SGCD: variants seen among roughly 807,000 people sequenced by gnomAD.
SGCD encodes the protein delta-sarcoglycan.
Under a neutral mutation model 36.6 loss-of-function variants are expected in SGCD, and 18 were observed. That is an observed-to-expected ratio of 0.49 (90% CI 0.34 to 0.73). The LOEUF (loss-of-function observed/expected upper bound fraction) is 0.73. SGCD is among the 30% of genes least tolerant of loss of function. The probability of loss-of-function intolerance (pLI) is 0.01; values close to 1 mark genes in which losing one functional copy is unlikely to be tolerated. For synonymous variants in SGCD, 133 were observed against 130.6 expected, an observed-to-expected ratio of 1.02 and a Z score of -0.12; for missense variants, 387 against 346.7, an observed-to-expected ratio of 1.12 and a Z score of -0.92.
chr5:156,512,816 A>G (rs910708333), intron 4 of SGCD, among the ~76,000 whole-genome samples: 10 of 152,200 alleles, frequency 6.6e-5, no homozygotes, highest in African/African-American at 2.2e-4. Flanking sequence ...CTAGAACTTT[A>G]TATAAATGGA....
intron 3 of SGCD, among the ~76,000 whole-genome samples, chr5:156,160,893 T>C (rs1763072257): frequency 6.6e-6 from 1 of 151,740 alleles, no homozygotes; most frequent in African/African-American, 2.4e-5. Context: ...AAGAGCTAGA[T>C]AGTAAATATT....
chr5:155,891,903 C>T (rs1035915756), intron 1 of SGCD, among the ~76,000 whole-genome samples: 8 of 152,016 alleles, frequency 5.3e-5, no homozygotes, highest in South Asian at 2.1e-4. Flanking sequence ...ATCTTCTTCT[C>T]GAATTTCTCT....
At position 155,901,260 on chromosome 5, in the gene SGCD, C is replaced by T. The variant is rs140095557; in HGVS notation, c.-282+30836C>T. Among the ~76,000 whole-genome samples the T allele has an allele frequency of 1.4e-3, 215 of 150,388 alleles. 1 individual carries two copies. Among genetic ancestry groups the T allele is most frequent in the African/African-American group, 5.1e-3 (210 of 40,778 alleles). ...CCGGGAGGCGGAGGTTGCAGTGAGC[C>T]GAGATAGTACCACTGCACTCCAGCC... On this transcript the variant is annotated intron_variant, in intron 1 of 9. Transcript: ENST00000517913.
intron 1 of SGCD, among the ~76,000 whole-genome samples, chr5:155,988,813 C>A (rs1187377638): frequency 6.6e-6 from 1 of 152,086 alleles, no homozygotes; most frequent in Non-Finnish European, 1.5e-5. Flanking sequence ...AAATGTGAGA[C>A]TTAAGTGAAA....
At chr5:156,451,293 T>C (rs1323098347) in intron 3 of SGCD, among the ~76,000 whole-genome samples, 1 of 152,154 alleles carries the variant, frequency 6.6e-6, no homozygotes, top group African/African-American at 2.4e-5. Context: ...GGTGAGTTCA[T>C]GGCTGGCTGA....
At chr5:155,785,912 C>T in the SGCD span, among the ~76,000 whole-genome samples, 8 of 152,170 alleles carry the variant, frequency 5.3e-5, no homozygotes, top group South Asian at 1.7e-3. Flanking sequence ...AGCTAGTTTC[C>T]AGTTATTTAC....
At chr5:156,084,122 G>A (rs1027213977) in intron 1 of SGCD, among the ~76,000 whole-genome samples, 1 of 152,110 alleles carries the variant, frequency 6.6e-6, no homozygotes, top group African/African-American at 2.4e-5. Context: ...GCTTGTCTGT[G>A]TCTACAAAAA....
chr5:156,308,417 G>A (rs551690296), intron 3 of SGCD, among the ~76,000 whole-genome samples: 373 of 151,950 alleles, frequency 2.5e-3, no homozygotes, highest in African/African-American at 8.3e-3. Context: ...TGCTGCCTCA[G>A]CCTCCCGAGT....
intron 1 of SGCD, among the ~76,000 whole-genome samples, chr5:156,055,030 A>G (rs1051375316): frequency 1.4e-5 from 2 of 146,284 alleles, no homozygotes; most frequent in African/African-American, 2.5e-5. Flanking sequence ...TGTGTGTGAC[A>G]GGGAGCCAAA....
At chr5:155,736,885 T>G in the SGCD span, among the ~76,000 whole-genome samples, 1 of 152,186 alleles carries the variant, frequency 6.6e-6, no homozygotes, top group Non-Finnish European at 1.5e-5. Context: ...ACGACGGGAT[T>G]AACCAGAATA....
At chr5:156,161,806 G>A (rs191183361) in intron 3 of SGCD, among the ~76,000 whole-genome samples, 3 of 151,746 alleles carry the variant, frequency 2.0e-5, no homozygotes, top group East Asian at 1.9e-4. Flanking sequence ...ATTAAGAAGC[G>A]TGAACTTCTT....
At chr5:156,557,982 CT>C (rs1294438824) in intron 4 of SGCD, among the ~76,000 whole-genome samples, 3 of 150,788 alleles carry the variant, frequency 2.0e-5, no homozygotes, top group Non-Finnish European at 4.4e-5. Flanking sequence ...AGGACTATGT[CT>C]TTTTTGTATT....
intron 3 of SGCD, among the ~76,000 whole-genome samples, chr5:156,295,340 T>A (rs900285835): frequency 6.6e-6 from 1 of 152,166 alleles, no homozygotes; most frequent in Non-Finnish European, 1.5e-5. Context: ...GAAATTTGAG[T>A]CCTTTTTTGC....
intron 3 of SGCD, among the ~76,000 whole-genome samples, chr5:156,450,688 A>T (rs1753969278): frequency 6.6e-6 from 1 of 152,130 alleles, no homozygotes; most frequent in South Asian, 2.1e-4. Context: ...TTGCCAACAA[A>T]ACACTGGCAT....
intron 2 of SGCD, among the ~76,000 whole-genome samples, chr5:156,332,047 T>A (rs1276288266): frequency 6.6e-6 from 1 of 152,226 alleles, no homozygotes; most frequent in Non-Finnish European, 1.5e-5. Context: ...AGTCCTTATC[T>A]GCTTCCCTCA....
At chr5:155,873,702 CA>C (rs1286052319) in intron 1 of SGCD, among the ~76,000 whole-genome samples, 1 of 152,036 alleles carries the variant, frequency 6.6e-6, no homozygotes, top group Non-Finnish European at 1.5e-5. Context: ...AAGTCATTAC[CA>C]AAAGAACACA....
the SGCD span, among the ~76,000 whole-genome samples, chr5:155,727,943 G>T: frequency 6.6e-6 from 1 of 152,204 alleles, no homozygotes; most frequent in Non-Finnish European, 1.5e-5. Flanking sequence ...CTGTCCCCTT[G>T]GCGGAGACAC....
chr5:156,729,694 A>G (rs1414174684), intron 7 of SGCD, among the ~76,000 whole-genome samples: 1 of 152,234 alleles, frequency 6.6e-6, no homozygotes, highest in East Asian at 1.9e-4. Flanking sequence ...GTTAGTATAT[A>G]TAAGTAATTT....
the SGCD span, among the ~76,000 whole-genome samples, chr5:155,754,642 C>T: frequency 0.072 from 11,009 of 152,292 alleles, 481 homozygotes; most frequent in African/African-American, 0.11. Flanking sequence ...TAAGGTGGAA[C>T]ATTAAACACT....
Sources: allele counts gnomAD v4.1 joint callset (sites outside exome capture counted in the v4.1 genomes callset), GRCh38; gene constraint gnomAD v4.1.1; transcripts MANE v1.5; gene names NCBI Gene and HGNC (gene_info 2026-07-23, HGNC 2026-07-21).